Variants in DENND5A observed in about 807,000 individuals in gnomAD.
The protein encoded by DENND5A is DENN domain-containing protein 5A.
Under a neutral mutation model 140.3 loss-of-function variants are expected in DENND5A, and 64 were observed. That is an observed-to-expected ratio of 0.46 (90% CI 0.37 to 0.56). The LOEUF (loss-of-function observed/expected upper bound fraction) is 0.56. Among genes scored for constraint, DENND5A ranks in the 20% least tolerant of loss-of-function variants. The pLI is 0.00. For missense variants in DENND5A, 1,292 were observed against 1,593.8 expected (o/e 0.81, Z 3.22); for synonymous variants, 605 against 607.7 (o/e 1.00, Z 0.07).
intron 1 of DENND5A, among the ~76,000 whole-genome samples, chr11:9,231,199 T>C (rs1850754906): frequency 6.6e-6 from 1 of 152,218 alleles, no homozygotes; most frequent in Non-Finnish European, 1.5e-5. Flanking sequence ...GACACATAAA[T>C]GTGCTAGAAG....
chr11:9,233,356 G>A (rs1291011565), intron 1 of DENND5A, among the ~76,000 whole-genome samples: 12 of 144,716 alleles, frequency 8.3e-5, no homozygotes, highest in African/African-American at 2.6e-4. Flanking sequence ...CTGAGATCGC[G>A]CCATTGCACT....
At chr11:9,170,819 T>C (rs762454572) in intron 8 of DENND5A, 42 bp from the exon 9 acceptor site, 39 of 1,395,326 alleles carry the variant, frequency 2.8e-5, no homozygotes, top group African/African-American at 1.0e-4. Context: ...CACACACACA[T>C]AAATACACAC....
chr11:9,155,992 C>G (rs1264481548), intron 12 of DENND5A, among the ~76,000 whole-genome samples: 1 of 152,142 alleles, frequency 6.6e-6, no homozygotes, highest in African/African-American at 2.4e-5. Flanking sequence ...TAGGAAGGTA[C>G]CCCCACAAGG....
In DENND5A at chr11:9,141,883, T is replaced by C. The variant is rs78416244; in HGVS notation, c.3680+57A>G. The C allele has an allele frequency of 2.1e-3, 3,123 of 1,489,204 alleles. 4 individuals are homozygous for C. Among genetic ancestry groups the C allele is most frequent in the Non-Finnish European group, 2.5e-3 (2,783 of 1,113,044 alleles). 92.2% of individuals were successfully genotyped at this position (1,489,204 alleles called of 1,614,324 possible). ...CCTCACCCCTGCACTGCACCAGGCC[T>C]CCAACACCACCACCAAGGCTAACCG... On this transcript the variant is annotated intron_variant, in intron 22 of 22. Coordinates refer to ENST00000328194, the MANE Select transcript of DENND5A (RefSeq NM_015213.4).
chr11:9,176,903 C>CT (rs1175821398), intron 8 of DENND5A: 2 of 455,946 alleles, frequency 4.4e-6, no homozygotes, highest in Non-Finnish European at 8.8e-6. Flanking sequence ...TGATTTTGGC[C>CT]TATGAGACAA....
intron 8 of DENND5A, among the ~76,000 whole-genome samples, chr11:9,177,651 G>A (rs1224759442): frequency 1.3e-5 from 2 of 150,978 alleles, no homozygotes; most frequent in African/African-American, 4.9e-5. Flanking sequence ...GAGAGACCCT[G>A]TCACACAGGC....
At chr11:9,205,789 C>T (rs1172225765) in intron 3 of DENND5A, among the ~76,000 whole-genome samples, 1 of 152,142 alleles carries the variant, frequency 6.6e-6, no homozygotes, top group Non-Finnish European at 1.5e-5. Flanking sequence ...CCCAGCTACT[C>T]GGGTGGCTGA....
intron 12 of DENND5A, among the ~76,000 whole-genome samples, chr11:9,155,264 C>G (rs776222976): frequency 3.9e-5 from 6 of 152,134 alleles, no homozygotes; most frequent in Non-Finnish European, 7.4e-5. Context: ...CCATCTACCA[C>G]AACCATTAGA....
rs752048758 is a variant in DENND5A at position 9,192,637 on chromosome 11, A to AT, written c.1137+856_1137+857insA. Among the ~76,000 whole-genome samples, 9 of 107,514 alleles carry AT rather than the reference A, an allele frequency of 8.4e-5. No homozygotes were observed. The East Asian group carries it at 1.8e-3, about 21-fold the overall frequency. The allele number at this position is 107,514 out of a possible 152,430, so 70.5% of individuals were successfully genotyped here. On this transcript the variant is annotated intron_variant, in intron 5 of 22. Transcript: ENST00000328194. ...TGCGAGACTTCGTCTCAAAAAAAAA[A>AT]CAAAAAAAAACAAAAAAAAAACTCT...
chr11:9,254,615 A>G (rs1280613990), intron 1 of DENND5A, among the ~76,000 whole-genome samples: 1 of 152,158 alleles, frequency 6.6e-6, no homozygotes, highest in Non-Finnish European at 1.5e-5. Flanking sequence ...TTTTTAAATG[A>G]CCACAAGAAT....
At chr11:9,156,388 C>A (rs1366176708) in intron 12 of DENND5A, among the ~76,000 whole-genome samples, 1 of 152,068 alleles carries the variant, frequency 6.6e-6, no homozygotes, top group Non-Finnish European at 1.5e-5. Flanking sequence ...CCTAACTCTC[C>A]AAAATAAGAG....
intron 1 of DENND5A, among the ~76,000 whole-genome samples, chr11:9,228,801 C>G (rs7924664): frequency 0.28 from 42,991 of 151,930 alleles, 6,739 homozygotes; most frequent in South Asian, 0.5. Context: ...ATGGTGCACT[C>G]AGCGTGAGCA....
At chr11:9,184,393 A>T (rs926092738) in intron 5 of DENND5A, among the ~76,000 whole-genome samples, 9 of 151,646 alleles carry the variant, frequency 5.9e-5, no homozygotes, top group African/African-American at 2.2e-4. Flanking sequence ...TTTTTTGTTT[A>T]CTGTATTTAC....
At chr11:9,189,951 C>T (rs1308838278) in intron 5 of DENND5A, among the ~76,000 whole-genome samples, 1 of 152,226 alleles carries the variant, frequency 6.6e-6, no homozygotes, top group Non-Finnish European at 1.5e-5. Flanking sequence ...GGGAATCCAC[C>T]TCTTGCATCA....
chr11:9,155,029 ATC>A (rs1310657337), intron 12 of DENND5A, among the ~76,000 whole-genome samples: 2 of 151,980 alleles, frequency 1.3e-5, no homozygotes, highest in Non-Finnish European at 2.9e-5. Context: ...GGCACCTGTA[ATC>A]CCAGCTACTC....
chr11:9,231,731 A>AAAAAAAAAAAAAAC, intron 1 of DENND5A, among the ~76,000 whole-genome samples: 1 of 150,050 alleles, frequency 6.7e-6, no homozygotes, highest in Non-Finnish European at 1.5e-5. Flanking sequence ...AAAAAAAAAA[A>AAAAAAAAAAAAAAC]AGACTCTGGG....
chr11:9,253,939 T>A (rs769858694), intron 1 of DENND5A, among the ~76,000 whole-genome samples: 80 of 151,874 alleles, frequency 5.3e-4, no homozygotes, highest in Non-Finnish European at 1.0e-3. Flanking sequence ...GGGCGGATCA[T>A]CTGAGGTCTG....
At chr11:9,155,673 T>G (rs1847778115) in intron 12 of DENND5A, among the ~76,000 whole-genome samples, 1 of 152,240 alleles carries the variant, frequency 6.6e-6, no homozygotes, top group Non-Finnish European at 1.5e-5. Flanking sequence ...AAGAATGTCA[T>G]AAGCAAGAAA....
intron 4 of DENND5A, among the ~76,000 whole-genome samples, chr11:9,199,606 G>T (rs886378023): frequency 5.9e-5 from 9 of 151,988 alleles, no homozygotes; most frequent in African/African-American, 2.2e-4. Flanking sequence ...TAAATAAAAT[G>T]ACCTATACCA....
Sources: allele counts gnomAD v4.1 joint callset (sites outside exome capture counted in the v4.1 genomes callset), GRCh38; gene constraint gnomAD v4.1.1; transcripts MANE v1.5; gene names NCBI Gene and HGNC (gene_info 2026-07-23, HGNC 2026-07-21).